NXPH1: variants seen among roughly 807,000 people sequenced by gnomAD.
NXPH1 encodes the protein neurexophilin-1.
A neutral mutation model predicts 23.7 loss-of-function variants in NXPH1; 5 were observed. The ratio of observed to expected loss-of-function variants is 0.21; its 90% CI spans 0.11 to 0.44. The LOEUF is 0.44. Ranked by LOEUF, NXPH1 falls within the 20% of genes least tolerant of loss-of-function variation. The pLI, the probability that NXPH1 is intolerant of heterozygous loss-of-function variation, is 0.99. For synonymous variants in NXPH1, 144 were observed against 122.2 expected, an observed-to-expected ratio of 1.18 and a Z score of -1.18; for missense variants, 324 against 321.6, an observed-to-expected ratio of 1.01 and a Z score of -0.06.
chr7:8,471,962 A>G (rs1283598287), intron 2 of NXPH1, among the ~76,000 whole-genome samples: 1 of 151,844 alleles, frequency 6.6e-6, no homozygotes, highest in African/African-American at 2.4e-5. Context: ...TAATTCATTT[A>G]TTATTTTTTT....
At chr7:8,449,434 G>C (rs1816465391) in intron 2 of NXPH1, among the ~76,000 whole-genome samples, 1 of 152,210 alleles carries the variant, frequency 6.6e-6, no homozygotes, top group Non-Finnish European at 1.5e-5. Flanking sequence ...GGCAAGCACT[G>C]TGCCAGGACC....
intron 2 of NXPH1, among the ~76,000 whole-genome samples, chr7:8,674,699 C>G (rs80106194): frequency 0.038 from 5,735 of 152,180 alleles, 260 homozygotes; most frequent in African/African-American, 0.11. Flanking sequence ...CAGAGGGGTT[C>G]AATTGTAGCT....
chr7:8,483,791 A>T (rs1402942430), intron 2 of NXPH1, among the ~76,000 whole-genome samples: 1 of 152,088 alleles, frequency 6.6e-6, no homozygotes, highest in African/African-American at 2.4e-5. Flanking sequence ...ACTAGACCAG[A>T]TGTTCTCCAA....
chr7:8,502,766 A>G (rs1445729017), intron 2 of NXPH1, among the ~76,000 whole-genome samples: 1 of 151,262 alleles, frequency 6.6e-6, no homozygotes, highest in African/African-American at 2.4e-5. Flanking sequence ...ATGGTAGAGG[A>G]GACATCAAAG....
intron 2 of NXPH1, among the ~76,000 whole-genome samples, chr7:8,709,088 G>T (rs1201654723): frequency 6.6e-6 from 1 of 152,146 alleles, no homozygotes; most frequent in Non-Finnish European, 1.5e-5. Context: ...TATATGATAT[G>T]ACAGTATACA....
intron 2 of NXPH1, among the ~76,000 whole-genome samples, chr7:8,547,475 TA>T (rs1229888974): frequency 6.6e-6 from 1 of 151,218 alleles, no homozygotes; most frequent in Non-Finnish European, 1.5e-5. Flanking sequence ...AGAAAACGTG[TA>T]ATTCTTTTTT....
At chr7:8,555,415 C>G (rs1248399113) in intron 2 of NXPH1, among the ~76,000 whole-genome samples, 1 of 151,604 alleles carries the variant, frequency 6.6e-6, no homozygotes, top group Non-Finnish European at 1.5e-5. Context: ...TTGAACAATC[C>G]TGATTCCACA....
intron 2 of NXPH1, among the ~76,000 whole-genome samples, chr7:8,613,973 T>A (rs1819676178): frequency 6.6e-6 from 1 of 151,874 alleles, no homozygotes; most frequent in Admixed American, 6.6e-5. Flanking sequence ...ATTGTTTTAA[T>A]AACTGTTCTT....
rs546486656 is a variant in NXPH1 at position 8,569,156 on chromosome 7, G to C, written c.54+133389G>C. ...ATGTGCATTCTAATCAATAACTCTGGACATGGAGAGCATCACCTATGAAAG... is the reference window on the plus strand; with the variant it reads ...ATGTGCATTCTAATCAATAACTCTGCACATGGAGAGCATCACCTATGAAAG... On this transcript the variant is annotated intron_variant, in intron 2 of 2. Transcript: ENST00000405863. Among the ~76,000 whole-genome samples, 16 of 151,792 alleles carry C rather than the reference G, an allele frequency of 1.1e-4. No homozygotes were observed. The East Asian group carries it at 2.9e-3, about 28-fold the overall frequency.
intron 2 of NXPH1, among the ~76,000 whole-genome samples, chr7:8,484,303 C>T (rs1461278495): frequency 1.3e-5 from 2 of 151,950 alleles, no homozygotes; most frequent in Non-Finnish European, 2.9e-5. Flanking sequence ...AGGGCTGGCA[C>T]CATAACATAG....
At position 8,690,376 on chromosome 7, in the gene NXPH1, CTTTCTA is replaced by C. The variant is rs769338914; in HGVS notation, c.55-60624_55-60619del. The C allele has an allele frequency of 3.9e-5, 6 of 152,276 alleles. 1 individual carries two copies. In the South Asian group the frequency reaches 8.3e-4, roughly 21 times the overall value. The allele number at this position is 152,276 out of a possible 1,614,324, so 9.4% of individuals were successfully genotyped here. A position where few individuals can be genotyped will look rare whatever the true frequency, so the allele number is the denominator to read the frequency against. On this transcript the variant is annotated intron_variant, in intron 2 of 2. Coordinates refer to ENST00000405863, the MANE Select transcript of NXPH1 (RefSeq NM_152745.3). ...CTATTTATTTTTCTCTAGCCATGGT[CTTTCTA>C]TTTCTATCTTAAACCCAAGTACTTC...
In NXPH1 at chr7:8,576,803, T is replaced by G. The variant is rs561968236; in HGVS notation, c.54+141036T>G. Among the ~76,000 whole-genome samples the G allele has an allele frequency of 6.6e-5, 10 of 152,326 alleles. No individual in the cohort carries two copies. The South Asian group carries it at 1.9e-3, about 28-fold the overall frequency. ...TGATGGTTGTTCTTCATTGAAATGT[T>G]GCTTTTCTCTTGAGTTCATTAGATT... On this transcript the variant is annotated intron_variant, in intron 2 of 2. Transcript: ENST00000405863.
intron 2 of NXPH1, among the ~76,000 whole-genome samples, chr7:8,542,391 CTT>C (rs1398071543): frequency 6.6e-6 from 1 of 151,460 alleles, no homozygotes; most frequent in Non-Finnish European, 1.5e-5. Context: ...TCCAACACCA[CTT>C]TCTCAGTAAT....
At chr7:8,484,203 A>G (rs1224688872) in intron 2 of NXPH1, among the ~76,000 whole-genome samples, 1 of 152,104 alleles carries the variant, frequency 6.6e-6, no homozygotes, top group African/African-American at 2.4e-5. Flanking sequence ...AATCTCACAT[A>G]GTCATAGTTG....
chr7:8,564,354 G>A (rs942560634), intron 2 of NXPH1, among the ~76,000 whole-genome samples: 6 of 151,764 alleles, frequency 4.0e-5, no homozygotes, highest in Admixed American at 1.3e-4. Flanking sequence ...AGTAGAATGC[G>A]TATGGTACTT....
chr7:8,482,441 G>T (rs1016343638), intron 2 of NXPH1, among the ~76,000 whole-genome samples: 1 of 152,152 alleles, frequency 6.6e-6, no homozygotes, highest in Non-Finnish European at 1.5e-5. Context: ...ATATGGCACT[G>T]GGAGTCTTTA....
At chr7:8,742,725 T>A (rs1176986436) in intron 2 of NXPH1, among the ~76,000 whole-genome samples, 1 of 152,220 alleles carries the variant, frequency 6.6e-6, no homozygotes, top group Non-Finnish European at 1.5e-5. Flanking sequence ...GGGTTGATGA[T>A]GAAGAACATC....
chr7:8,605,034 T>C (rs1431880508), intron 2 of NXPH1, among the ~76,000 whole-genome samples: 1 of 152,162 alleles, frequency 6.6e-6, no homozygotes, highest in Non-Finnish European at 1.5e-5. Context: ...CTGCGTACCA[T>C]ATTGCCATAT....
chr7:8,602,964 C>A (rs149954666), intron 2 of NXPH1, among the ~76,000 whole-genome samples: 3,382 of 152,204 alleles, frequency 0.022, 67 homozygotes, highest in Middle Eastern at 0.068. Flanking sequence ...GCGCCCACCA[C>A]CATGCACAGC....
Sources: allele counts gnomAD v4.1 joint callset (sites outside exome capture counted in the v4.1 genomes callset), GRCh38; gene constraint gnomAD v4.1.1; transcripts MANE v1.5; gene names NCBI Gene and HGNC (gene_info 2026-07-23, HGNC 2026-07-21).